The following CARD10 variants were observed in gnomAD, a reference collection of about 807,000 sequenced individuals.
CARD10 encodes caspase recruitment domain family member 10, also known as caspase recruitment domain-containing protein 10.
Under a neutral mutation model 114.6 loss-of-function variants are expected in CARD10, and 49 were observed. The observed-to-expected ratio is 0.43, with a 90% CI of 0.34 to 0.54. The LOEUF (loss-of-function observed/expected upper bound fraction) is 0.54, where lower values mean the gene tolerates loss of function less well. CARD10 is among the 20% of genes least tolerant of loss of function. The pLI is 0.03. For missense variants in CARD10, 1,206 were observed against 1,397.2 expected (o/e 0.86, Z 2.18); for synonymous variants, 602 against 593.2 (o/e 1.01, Z -0.21).
chr22:37,508,677 C>T lies in CARD10; in HGVS notation c.915G>A (p.Ala305=), dbSNP rs540441816. 5.1e-6 allele frequency: 8 copies of T among 1,559,682 alleles called. No homozygotes were observed. Among genetic ancestry groups the T allele is most frequent in the Middle Eastern group, 1.7e-4 (1 of 5,872 alleles). ...RELQEGLQQE[A]SRPGAPGSER... is the part of the protein sequence containing the mutation. ...CGGAGCCCGGGGCCCCCGGCCGGCT[C>T]GCCTCCTGGGGATCACAGGGCAGGG... Residue 305 remains alanine (A), a synonymous_variant, in exon 5 of 20, where the codon GCG becomes GCA. Transcript: ENST00000251973.
Position 37,507,958 on chromosome 22 carries a change from A to C in CARD10, c.1066-4T>G, listed in dbSNP as rs773915657. On this transcript the variant is annotated splice_region_variant and splice_polypyrimidine_tract_variant and intron_variant, in intron 5 of 19. Coordinates refer to ENST00000251973, the MANE Select transcript of CARD10 (RefSeq NM_014550.4). ...GGTCTTCCATCTCCTGCAGGTACTG[A>C]GGGTGGCACGGGGCGGGGTCAGACC... 5 of 1,613,860 alleles carry C rather than the reference A, an allele frequency of 3.1e-6. No individual in the cohort carries two copies. The highest frequency in any genetic ancestry group is 1.3e-5 in the African/African-American group (1 of 74,874).
intron 14 of CARD10, 25 bp downstream of exon 14, chr22:37,495,735 T>A: frequency 6.2e-7 from 1 of 1,612,742 alleles, no homozygotes; most frequent in Non-Finnish European, 8.5e-7. Flanking sequence ...GGGGACCCCA[T>A]CCCCAGCTCC....
chr22:37,508,101 G>T, intron 5 of CARD10, 147 bp from the exon 6 acceptor site: 1 of 904,568 alleles, frequency 1.1e-6, no homozygotes, highest in Non-Finnish European at 1.7e-6. Flanking sequence ...GGAGTGGTCT[G>T]AGCCACTGAC....
intron 9 of CARD10, 93 bp downstream of exon 9, chr22:37,504,093 C>T (rs1254092221): frequency 6.7e-6 from 6 of 897,098 alleles, no homozygotes; most frequent in African/African-American, 1.7e-5. Flanking sequence ...CTGCCTGGAC[C>T]TGACTTTGGC....
chr22:37,513,818 G>A (rs1923743981), intron 3 of CARD10, among the ~76,000 whole-genome samples: 1 of 152,146 alleles, frequency 6.6e-6, no homozygotes, highest in Non-Finnish European at 1.5e-5. Flanking sequence ...CCTTCAATCC[G>A]GCTGAACACA....
intron 2 of CARD10, among the ~76,000 whole-genome samples, chr22:37,517,316 CGT>C (rs924498204): frequency 6.6e-6 from 1 of 152,056 alleles, no homozygotes; most frequent in Non-Finnish European, 1.5e-5. Flanking sequence ...GGCGTGTGTG[CGT>C]GTGTGTATGT....
chr22:37,508,616 G>A lies in CARD10; in HGVS notation c.976C>T (p.Arg326Trp), dbSNP rs1292631266. 4.4e-6 allele frequency: 7 copies of A among 1,590,540 alleles called. No homozygotes were observed. Among genetic ancestry groups the A allele is most frequent in the East Asian group, 4.5e-5 (2 of 44,140 alleles). Reference protein sequence around the residue: ...ILLDILEHDWREAQDSRQELC... With the variant: ...ILLDILEHDWWEAQDSRQELC... Reference sequence around the variant, plus strand: ...TCCTGCCTGCTGTCCTGCGCCTCCCGCCAGTCATGCTCTAGGATGTCCAGC... The same window carrying A: ...TCCTGCCTGCTGTCCTGCGCCTCCCACCAGTCATGCTCTAGGATGTCCAGC... Residue 326 changes from arginine to tryptophan, a missense_variant, in exon 5 of 20, where the codon CGG (arginine) becomes TGG (tryptophan). Coordinates refer to ENST00000251973, the MANE Select transcript of CARD10 (RefSeq NM_014550.4).
chr22:37,496,723 C>G lies in CARD10; in HGVS notation c.1948-163G>C. On this transcript the variant is annotated intron_variant, in intron 12 of 19. Transcript: ENST00000251973. This position sits in a 1 kb window ranked among gnomAD's most constrained non-coding sequence, Gnocchi z 4.1. ...CAGCCCAGTCAGACCCGTCCCCATC[C>G]ACAGGACGCCCCCATCCACAGGACT... is the stretch of plus-strand genomic sequence containing the variant. 1 of 655,266 alleles carries G rather than the reference C, an allele frequency of 1.5e-6. No homozygotes were observed. The highest frequency in any genetic ancestry group is 2.8e-5 in the East Asian group (1 of 36,112). 40.6% of individuals were successfully genotyped at this position (655,266 alleles called of 1,614,324 possible). A position where few individuals can be genotyped will look rare whatever the true frequency, so the allele number is the denominator to read the frequency against.
chr22:37,511,767 G>C (rs932935632), intron 3 of CARD10, among the ~76,000 whole-genome samples: 6 of 152,114 alleles, frequency 3.9e-5, no homozygotes, highest in African/African-American at 1.4e-4. Flanking sequence ...CAGAGACTCA[G>C]ACTTGGTCTG....
In CARD10 at chr22:37,519,369, C is replaced by G; in HGVS notation, c.-169G>C. On this transcript the variant is annotated 5_prime_UTR_variant, in exon 1 of 20. Coordinates refer to ENST00000251973, the MANE Select transcript of CARD10 (RefSeq NM_014550.4). This position sits in a 1 kb window ranked among gnomAD's most constrained non-coding sequence, Gnocchi z 4.1. Reference sequence around the variant, plus strand: ...CCGCACGCTACAGTCGCCTCGGGCTCCCGGGTCCGCACTCGGGCGGCGGCT... The same window carrying G: ...CCGCACGCTACAGTCGCCTCGGGCTGCCGGGTCCGCACTCGGGCGGCGGCT... 8.2e-7 allele frequency: 1 copy of G among 1,225,880 alleles called. No individual in the cohort carries two copies. The highest frequency in any genetic ancestry group is 1.0e-6 in the Non-Finnish European group (1 of 984,514). 75.9% of individuals were successfully genotyped at this position (1,225,880 alleles called of 1,614,324 possible).
At position 37,515,981 on chromosome 22, in the gene CARD10, G is replaced by A. The variant is rs2145776998; in HGVS notation, c.691C>T (p.Gln231Ter). The A allele has an allele frequency of 6.3e-7, 1 of 1,577,006 alleles. No individual in the cohort carries two copies. The highest frequency in any genetic ancestry group is 8.6e-7 in the Non-Finnish European group (1 of 1,158,580). ...ATCTCCCCAGGGCCTACCGCCAGCT[G>A]CAGGTCACGGCTGCGAAGTACAGCC... ...NSAVLRSRDL[Q>*]LAVDQLKLKV... The change falls in exon 3 of 20, where the codon CAG (glutamine) becomes TAG (stop). Residue 231 changes from glutamine to a stop codon, truncating the protein, a stop_gained. Transcript: ENST00000251973. LOFTEE classifies it high-confidence loss of function.
Position 37,494,202 on chromosome 22 carries a change from G to A in CARD10, c.2374-14C>T, listed in dbSNP as rs1401674538. Reference sequence around the variant, plus strand: ...TCTCTTCTTCAGCTGGGAGGGTGCAGGGACAGAGGAGCATCTGAGAGCTCA... The same window carrying A: ...TCTCTTCTTCAGCTGGGAGGGTGCAAGGACAGAGGAGCATCTGAGAGCTCA... On this transcript the variant is annotated splice_polypyrimidine_tract_variant and intron_variant, in intron 15 of 19. Transcript: ENST00000251973. 6.5e-7 allele frequency: 1 copy of A among 1,533,932 alleles called. No individual in the cohort carries two copies. The highest frequency in any genetic ancestry group is 2.0e-5 in the Admixed American group (1 of 50,912).
intron 15 of CARD10, 158 bp from the exon 16 acceptor site, chr22:37,494,346 C>T (rs1922918255): frequency 1.7e-6 from 1 of 605,282 alleles, no homozygotes. Flanking sequence ...CTCCACCAGG[C>T]CCTCCCCTGC....
At position 37,503,237 on chromosome 22, in the gene CARD10, G is replaced by C. The variant is rs377264893; in HGVS notation, c.1635-24C>G. 3 of 1,605,942 alleles carry C rather than the reference G, an allele frequency of 1.9e-6. No individual in the cohort carries two copies. The African/African-American group carries it at 4.0e-5, about 22-fold the overall frequency. The stretch of plus-strand genomic sequence containing the variant: ...ATCTGGGCAGAGAGAGGGCAGGGAG[G>C]GGGCAGGAGGTGAGGCACAGTGGGC... On this transcript the variant is annotated intron_variant, in intron 9 of 19. Transcript: ENST00000251973.
intron 6 of CARD10, 65 bp from the exon 7 acceptor site, chr22:37,506,448 G>C (rs1425189669): frequency 3.9e-6 from 5 of 1,290,190 alleles, no homozygotes; most frequent in Non-Finnish European, 5.3e-6. Flanking sequence ...CCTGGCCTAT[G>C]ACTTGGAGAA....
At chr22:37,494,613 C>T (rs1202673736) in intron 15 of CARD10, 1 of 204,052 alleles carries the variant, frequency 4.9e-6, no homozygotes, top group African/African-American at 2.4e-5. Context: ...CTGATTTTAC[C>T]AATACCTGAC....
chr22:37,511,400 A>AGGAGGAGGGGG (rs1569167089), intron 3 of CARD10, among the ~76,000 whole-genome samples: 4 of 87,904 alleles, frequency 4.6e-5, no homozygotes, highest in South Asian at 5.3e-4. Flanking sequence ...GAAGGGGGTG[A>AGGAGGAGGGGG]GGAGGAGGAG....
rs752431554 is a variant in CARD10, at chr22:37,515,957, T to C, written c.699+16A>G. ...CCCCTTCCCTTGCCTCCCCGACCCA[T>C]CTCCCCAGGGCCTACCGCCAGCTGC... On this transcript the variant is annotated intron_variant, in intron 3 of 19. Transcript: ENST00000251973. 2.6e-6 allele frequency: 4 copies of C among 1,541,496 alleles called. No homozygotes were observed. Among genetic ancestry groups the C allele is most frequent in the Non-Finnish European group, 3.5e-6 (4 of 1,136,812 alleles).
rs1230006742 is a variant in CARD10, at chr22:37,510,374, T to C, written c.747A>G (p.Ala249=). Residue 249 remains alanine (A), a synonymous_variant, in exon 4 of 20, where the codon GCA becomes GCG. Transcript: ENST00000251973. Reference sequence around the variant, plus strand: ...GCGGGCCCCTGGCCCTTCGAAGCAGTGCACACTCTTCCTCCAGCCGACTCA... The same window carrying C: ...GCGGGCCCCTGGCCCTTCGAAGCAGCGCACACTCTTCCTCCAGCCGACTCA... The part of the protein sequence containing the change: ...LKVSRLEEEC[A]LLRRARGPPP... The C allele has an allele frequency of 3.7e-6, 6 of 1,613,410 alleles. No homozygotes were observed. Among genetic ancestry groups the C allele is most frequent in the Non-Finnish European group, 5.1e-6 (6 of 1,179,998 alleles).
Sources: gnomAD v4.1 joint callset for allele counts (sites outside exome capture counted in the v4.1 genomes callset) on GRCh38, gnomAD v4.1.1 for gene constraint, Gnocchi (gnomAD v3.1) non-coding constraint, MANE v1.5 for transcripts, NCBI Gene and HGNC (gene_info 2026-07-23, HGNC 2026-07-21) for gene names.